Variants in PHF8 observed in about 807,000 individuals in gnomAD.
PHF8 encodes histone lysine demethylase PHF8.
In PHF8, 9 loss-of-function variants were observed where a neutral mutation model predicts 74.4. The observed-to-expected ratio is 0.12, with a 90% confidence interval of 0.07 to 0.21. The LOEUF (loss-of-function observed/expected upper bound fraction) is 0.21. PHF8 is among the 10% of genes least tolerant of loss of function. The probability of loss-of-function intolerance (pLI) is 1.00; values close to 1 mark genes in which losing one functional copy is unlikely to be tolerated. For synonymous variants in PHF8, 311 were observed against 316.6 expected (o/e 0.98, Z 0.19); for missense variants, 478 against 816.6 (o/e 0.59, Z 5.05).
At position 54,044,095 on chromosome X, in the gene PHF8, A is replaced by G. The variant is rs1557116805; in HGVS notation, c.-426T>C. 3 of 754,388 alleles carry G rather than the reference A, an allele frequency of 4.0e-6. No individual in the cohort carries two copies. The African/African-American group carries it at 6.9e-5, about 17-fold the overall frequency. 62.2% of individuals were successfully genotyped at this position (754,388 alleles called of 1,213,427 possible). On this transcript the variant is annotated 5_prime_UTR_variant, in exon 1 of 22. Coordinates refer to ENST00000338154, the MANE Select transcript of PHF8 (RefSeq NM_015107.3). Reference sequence around the variant, plus strand: ...CAGCCGCTCAACGGTGCTTCAGAGCAGCCTCCTCCACAACATTCCCCTCGG... The same window carrying G: ...CAGCCGCTCAACGGTGCTTCAGAGCGGCCTCCTCCACAACATTCCCCTCGG...
intron 2 of PHF8, among the ~76,000 whole-genome samples, chrX:54,028,930 C>G (rs1271971276): frequency 1.8e-5 from 2 of 112,340 alleles, no homozygotes; most frequent in Admixed American, 1.9e-4. Flanking sequence ...CTTAACCTCT[C>G]TGTGCCTCAG....
At chrX:53,966,990 G>A (rs1260083705) in intron 18 of PHF8, among the ~76,000 whole-genome samples, 2 of 107,661 alleles carry the variant, frequency 1.9e-5, no homozygotes, top group Admixed American at 9.8e-5. Flanking sequence ...GAGACCCTCC[G>A]CCTGGCAACC....
intron 19 of PHF8, among the ~76,000 whole-genome samples, chrX:53,958,329 C>T (rs782513613): frequency 4.8e-4 from 52 of 107,825 alleles, no homozygotes; most frequent in African/African-American, 1.5e-3. Flanking sequence ...CGTGAGCCAC[C>T]GTGCCTGGCC....
chrX:54,041,416 A>G (rs887228450), intron 2 of PHF8, among the ~76,000 whole-genome samples: 12 of 109,668 alleles, frequency 1.1e-4, no homozygotes, highest in Non-Finnish European at 2.3e-4. Context: ...AAAAAAGAAA[A>G]AAAGAAAAAG....
rs1455324918 is a variant in PHF8, at chrX:53,940,319, G to A, written c.2847C>T (p.Leu949=). 4.1e-6 allele frequency: 5 copies of A among 1,207,016 alleles called. No homozygotes were observed. Among genetic ancestry groups the A allele is most frequent in the Non-Finnish European group, 4.5e-6 (4 of 893,585 alleles). Residue 949 remains leucine, a synonymous_variant, in exon 21 of 22, where the codon CTC becomes CTT. Coordinates refer to ENST00000338154, the MANE Select transcript of PHF8 (RefSeq NM_015107.3). ...GACGAGCGGTGTACTCATGGTCAGC[G>A]AGACTTCCTGACAGGGCCTCTTGTT... ...EPKQEALSGS[L]ADHEYTARPN...
chrX:54,025,058 A>G (rs2066245530), intron 2 of PHF8, among the ~76,000 whole-genome samples: 1 of 109,512 alleles, frequency 9.1e-6, no homozygotes, highest in Non-Finnish European at 1.9e-5. Flanking sequence ...TTGTATTTTT[A>G]GTAGAGATGG....
At chrX:54,016,076 T>C (rs2066062632) in intron 6 of PHF8, among the ~76,000 whole-genome samples, 1 of 111,706 alleles carries the variant, frequency 9.0e-6, no homozygotes, top group South Asian at 3.7e-4. Flanking sequence ...AGCTACTATG[T>C]AATCTATCCA....
chrX:54,014,603 G>T (rs2066031821), intron 6 of PHF8, 40 bp from the exon 7 acceptor site: 2 of 1,007,555 alleles, frequency 2.0e-6, no homozygotes, highest in Non-Finnish European at 2.8e-6. Context: ...CAGCTGATTA[G>T]GAAGAGAAGA....
In PHF8 at chrX:54,044,008, C is replaced by T. The variant is rs1233689684; in HGVS notation, c.-339G>A. 41 of 754,113 alleles carry T rather than the reference C, an allele frequency of 5.4e-5. No individual in the cohort carries two copies. The highest frequency in any genetic ancestry group is 6.4e-5 in the Non-Finnish European group (41 of 639,158). 62.1% of individuals were successfully genotyped at this position (754,113 alleles called of 1,213,427 possible). ...GACGCGCGTCGAATTCTGGGATAGT[C>T]CCCGTACCGCCGGGAACCTCGCTCG... On this transcript the variant is annotated 5_prime_UTR_variant, in exon 1 of 22. Transcript: ENST00000338154.
upstream of PHF8, chrX:54,044,801 G>A (rs782136174): frequency 3.3e-3 from 2,932 of 885,828 alleles, 8 homozygotes; most frequent in Non-Finnish European, 4.0e-3. Flanking sequence ...AGGTGAACTC[G>A]GTGACTCCAA....
rs369653122 is a variant in PHF8 at position 53,972,233 on chromosome X, G to C, written c.2444-9294C>G. 6.7e-4 allele frequency among the ~76,000 whole-genome samples: 67 copies of C among 100,126 alleles called. No individual in the cohort carries two copies. The East Asian group carries it at 0.017, about 26-fold the overall frequency. 86.9% of individuals were successfully genotyped at this position (100,126 alleles called of 115,157 possible). ...AGCTACTCGAGAGGCTGAGGCAGGA[G>C]AATCACTTGAACCCAGGAGGCAGAG... On this transcript the variant is annotated intron_variant, in intron 18 of 21. Transcript: ENST00000338154.
chrX:53,981,638 A>T (rs782001057), intron 18 of PHF8, among the ~76,000 whole-genome samples: 1 of 111,865 alleles, frequency 8.9e-6, no homozygotes, highest in East Asian at 2.8e-4. Context: ...ATTTGGAAAG[A>T]GGAAGTCTGA....
intron 2 of PHF8, among the ~76,000 whole-genome samples, chrX:54,032,093 C>T (rs990708091): frequency 8.5e-4 from 95 of 111,708 alleles, no homozygotes; most frequent in African/African-American, 2.8e-3. Context: ...CAGATCACAA[C>T]TCTCACTTGC....
At chrX:54,017,241 T>C (rs2066086788) in intron 5 of PHF8, among the ~76,000 whole-genome samples, 1 of 112,633 alleles carries the variant, frequency 8.9e-6, no homozygotes, top group Non-Finnish European at 1.9e-5. Context: ...AGCCCAGTAG[T>C]TGGAGATCAG....
upstream of PHF8, chrX:54,045,039 C>G (rs1603348819): frequency 1.8e-6 from 1 of 540,832 alleles, no homozygotes; most frequent in South Asian, 3.1e-5. Flanking sequence ...GACGTTGAAC[C>G]TTGTGCCCTG....
In PHF8 at chrX:53,936,806, CCCTAA is replaced by C. The variant is rs1280562971; in HGVS notation, c.*2347_*2351del. ...CAACAGAGAAGTCTGAATGATGCTA[CCCTAA>C]CCTATTTATAAAAAGGCCCTGCATC... On this transcript the variant is annotated 3_prime_UTR_variant, in exon 22 of 22. Coordinates refer to ENST00000338154, the MANE Select transcript of PHF8 (RefSeq NM_015107.3). 2.7e-5 allele frequency: 3 copies of C among 111,942 alleles called. No individual in the cohort carries two copies. Among genetic ancestry groups the C allele is most frequent in the Admixed American group, 9.5e-5 (1 of 10,514 alleles). The allele number at this position is 111,942 out of a possible 1,213,427, so 9.2% of individuals were successfully genotyped here. A position where few individuals can be genotyped will look rare whatever the true frequency, so the allele number is the denominator to read the frequency against.
intron 18 of PHF8, among the ~76,000 whole-genome samples, chrX:53,975,579 G>C (rs1469359332): frequency 8.9e-6 from 1 of 112,164 alleles, no homozygotes; most frequent in East Asian, 2.8e-4. Flanking sequence ...GCAGTAAAAT[G>C]AAGGAAAATG....
intron 14 of PHF8, among the ~76,000 whole-genome samples, chrX:53,989,728 G>C (rs1163756531): frequency 3.6e-5 from 4 of 112,021 alleles, no homozygotes; most frequent in African/African-American, 9.7e-5. Context: ...TTAGCAACTA[G>C]TAATTTGGTT....
Position 53,962,909 on chromosome X carries a change from T to G in PHF8, c.2474A>C (p.Asp825Ala). 1 of 1,182,812 alleles carries G rather than the reference T, an allele frequency of 8.5e-7. No individual in the cohort carries two copies. The highest frequency in any genetic ancestry group is 3.0e-5 in the East Asian group (1 of 33,649). Reference sequence around the variant, plus strand: ...CTTGGGTCGAGATTTCAAAGCAGGGTCATCATCATCAGACTCCAGTGAAGG... The same window carrying G: ...CTTGGGTCGAGATTTCAAAGCAGGGGCATCATCATCAGACTCCAGTGAAGG... ...IYPSLESDDD[D>A]PALKSRPKKK... The change falls in exon 19 of 22, where the codon GAC (aspartate) becomes GCC (alanine). Residue 825 changes from aspartate (D) to alanine (A), a missense_variant. Asp to Ala is a moderately radical substitution (Grantham distance 126). This residue lies in a region of PHF8 where 35 missense variants were observed against 78.8 expected (regional missense o/e 0.44). Transcript: ENST00000338154.
Sources: gnomAD v4.1 joint callset for allele counts (sites outside exome capture counted in the v4.1 genomes callset) on GRCh38, gnomAD v4.1.1 for gene constraint, gnomAD v4.1.1 regional missense constraint, MANE v1.5 for transcripts, NCBI Gene and HGNC (gene_info 2026-07-23, HGNC 2026-07-21) for gene names.